Variants in PCDHGA1 observed in about 807,000 individuals in gnomAD.
PCDHGA1 encodes protocadherin gamma subfamily A, 1, also known as protocadherin gamma-A1.
Under a neutral mutation model 58.0 loss-of-function variants are expected in PCDHGA1, and 32 were observed. The ratio of observed to expected loss-of-function variants is 0.55; its 90% CI spans 0.42 to 0.74. PCDHGA1 has a LOEUF of 0.74. PCDHGA1 is among the 30% of genes least tolerant of loss of function. PCDHGA1 has a pLI of 0.00. For missense variants in PCDHGA1, 1,205 were observed against 1,182.3 expected, an observed-to-expected ratio of 1.02 and a Z score of -0.28; for synonymous variants, 498 against 501.1, an observed-to-expected ratio of 0.99 and a Z score of 0.08.
intron 3 of PCDHGA1, among the ~76,000 whole-genome samples, chr5:141,508,624 G>A (rs552418899): frequency 3.3e-5 from 5 of 152,256 alleles, no homozygotes; most frequent in African/African-American, 9.6e-5. Context: ...TGGGTGGGCC[G>A]AGCTTCTAGC....
chr5:141,389,002 A>T (rs749693513), intron 1 of PCDHGA1: 25 of 1,613,966 alleles, frequency 1.5e-5, no homozygotes, highest in Admixed American at 3.3e-5. Context: ...CGTGACAAGG[A>T]TTCCAGACAC....
intron 1 of PCDHGA1, among the ~76,000 whole-genome samples, chr5:141,407,428 G>A (rs1211459456): frequency 6.6e-6 from 1 of 151,524 alleles, no homozygotes; most frequent in Non-Finnish European, 1.5e-5. Context: ...AATGTCTCTT[G>A]CCCTTAAAAC....
intron 1 of PCDHGA1, chr5:141,389,425 C>T (rs1464186383): frequency 3.1e-6 from 5 of 1,613,500 alleles, no homozygotes; most frequent in Admixed American, 1.7e-5. Flanking sequence ...GTGGTGTTCG[C>T]GCAGCGCGCC....
At chr5:141,400,791 T>C in intron 1 of PCDHGA1, 1 of 562,286 alleles carries the variant, frequency 1.8e-6, no homozygotes, top group Non-Finnish European at 3.1e-6. Flanking sequence ...TTTGTCCTCT[T>C]TCTCAAAGCT....
Position 141,431,388 on chromosome 5 carries a change from T to G in PCDHGA1, c.2422-63419T>G. 1 of 1,613,920 alleles carries G rather than the reference T, an allele frequency of 6.2e-7. No individual in the cohort carries two copies. The highest frequency in any genetic ancestry group is 8.5e-7 in the Non-Finnish European group (1 of 1,180,038). ...CGCGAAGAAAAGGCTGCTCACCACC[T>G]GGTCCTTACGGCCTCCGACGGGGGC... On this transcript the variant is annotated intron_variant, in intron 1 of 3. Transcript: ENST00000517417. The surrounding 1 kb of genome is among the most constrained non-coding windows in gnomAD (Gnocchi z 4.8).
chr5:141,336,747 G>A (rs754457463), intron 1 of PCDHGA1, among the ~76,000 whole-genome samples: 1 of 152,138 alleles, frequency 6.6e-6, no homozygotes, highest in Non-Finnish European at 1.5e-5. Flanking sequence ...TCTTGGATAT[G>A]ACACCAAAAG....
chr5:141,495,000 G>A lies in PCDHGA1; in HGVS notation c.2480+135G>A, dbSNP rs191756104. ...AGTTTGAGATCCCAGGGAGGTCTTG[G>A]TGTGCGGGGGGCTGGCACACAGACC... On this transcript the variant is annotated intron_variant, in intron 2 of 3. Transcript: ENST00000517417. 1.3e-4 allele frequency: 202 copies of A among 1,531,656 alleles called. 2 individuals carry two copies. The African/African-American group carries it at 2.4e-3, about 19-fold the overall frequency. The allele number at this position is 1,531,656 out of a possible 1,614,324, so 94.9% of individuals were successfully genotyped here. A position where few individuals can be genotyped will look rare whatever the true frequency, so the allele number is the denominator to read the frequency against.
rs1193088004 is a variant in PCDHGA1, at chr5:141,331,769, C to G, written c.1085C>G (p.Pro362Arg). 1.1e-5 allele frequency: 17 copies of G among 1,614,064 alleles called. No homozygotes were observed. In the Admixed American group the frequency reaches 2.8e-4, roughly 27 times the overall value. Residue 362 changes from proline to arginine, a missense_variant, in exon 1 of 4, where the codon CCT (proline) becomes CGT (arginine). Pro to Arg is a moderately radical substitution (Grantham distance 103). Transcript: ENST00000517417. ...ACTGCAGTTCCAGAAAACTTTCCTC[C>G]TGGGACCATAATTGCTCTTATCAGT... Reference protein sequence around the residue: ...VTTAVPENFPPGTIIALISVH... With the variant: ...VTTAVPENFPRGTIIALISVH...
rs750571929 is a variant in PCDHGA1 at position 141,357,479 on chromosome 5, C to T, written c.2421+24374C>T. ...ACCTATTCCCACGAGGTCTCCCTCA[C>T]CGCGGACTCGCGGAAGAGTCACCTG... On this transcript the variant is annotated intron_variant, in intron 1 of 3. Coordinates refer to ENST00000517417, the MANE Select transcript of PCDHGA1 (RefSeq NM_018912.3). The T allele has an allele frequency of 5.6e-6, 9 of 1,614,132 alleles. No homozygotes were observed. Among genetic ancestry groups the T allele is most frequent in the South Asian group, 1.1e-5 (1 of 91,094 alleles).
chr5:141,384,191 C>T (rs376661364), intron 1 of PCDHGA1: 30 of 1,613,842 alleles, frequency 1.9e-5, no homozygotes, highest in Non-Finnish European at 2.5e-5. Context: ...GGAACTCCTC[C>T]CTTGTCCAGG....
intron 1 of PCDHGA1, chr5:141,423,753 G>GC (rs1489142243): frequency 4.8e-6 from 3 of 626,014 alleles, no homozygotes; most frequent in African/African-American, 5.1e-5. Context: ...AACTGTTTGG[G>GC]GGGGGGGTGG....
At chr5:141,359,130 A>G (rs1042094168) in intron 1 of PCDHGA1, among the ~76,000 whole-genome samples, 2 of 152,228 alleles carry the variant, frequency 1.3e-5, no homozygotes, top group South Asian at 4.1e-4. Context: ...TGCAATACAT[A>G]GAGTAAGCTG....
At position 141,331,093 on chromosome 5, in the gene PCDHGA1, G is replaced by A. The variant is rs1330562926; in HGVS notation, c.409G>A (p.Glu137Lys). ...NDNTPQFQLEELEFKMNEITT... is the reference protein window; with the variant it reads ...NDNTPQFQLEKLEFKMNEITT... ...CAACACTCCCCAATTCCAGTTAGAG[G>A]AACTGGAGTTTAAAATGAATGAAAT... Residue 137 changes from glutamate (E) to lysine (K), a missense_variant, in exon 1 of 4, where the codon GAA becomes AAA. By Grantham distance (56) the Glu-to-Lys change is moderately conservative. Coordinates refer to ENST00000517417, the MANE Select transcript of PCDHGA1 (RefSeq NM_018912.3). 3 of 1,591,360 alleles carry A rather than the reference G, an allele frequency of 1.9e-6. No homozygotes were observed. The highest frequency in any genetic ancestry group is 2.6e-6 in the Non-Finnish European group (3 of 1,165,354).
chr5:141,489,151 A>G lies in PCDHGA1; in HGVS notation c.2422-5656A>G. On this transcript the variant is annotated intron_variant, in intron 1 of 3. Transcript: ENST00000517417. This position sits in a 1 kb window ranked among gnomAD's most constrained non-coding sequence, Gnocchi z 4.5. ...TTTTTAAGAGGCTGGAAGGAGACAT[A>G]AGAGACTTCAGCTGCTGCATTCCAA... is the stretch of plus-strand genomic sequence containing the variant. The G allele has an allele frequency of 4.3e-6, 4 of 932,968 alleles. No individual in the cohort carries two copies. Among genetic ancestry groups the G allele is most frequent in the Non-Finnish European group, 6.4e-6 (4 of 622,052 alleles). 57.8% of individuals were successfully genotyped at this position (932,968 alleles called of 1,614,324 possible).
intron 1 of PCDHGA1, chr5:141,419,835 C>T: frequency 1.2e-6 from 2 of 1,614,084 alleles, no homozygotes; most frequent in African/African-American, 1.3e-5. Flanking sequence ...GCCACTGCCA[C>T]GCTGCACCTG....
In PCDHGA1 at chr5:141,331,181, C is replaced by T. The variant is rs745460750; in HGVS notation, c.497C>T (p.Ser166Leu). The T allele has an allele frequency of 6.2e-7, 1 of 1,614,118 alleles. No homozygotes were observed. The highest frequency in any genetic ancestry group is 2.2e-5 in the East Asian group (1 of 44,880). The change falls in exon 1 of 4, where the codon TCA becomes TTA. Residue 166 changes from serine (S) to leucine (L), a missense_variant. Transcript: ENST00000517417. ...CAAGACCTTGATGTGGGTATGAACT[C>T]ACTCCAGAGCTACCAACTCAGCTCT... ...FGQDLDVGMN[S>L]LQSYQLSSNP...
At chr5:141,454,875 T>G (rs2098805612) in intron 1 of PCDHGA1, among the ~76,000 whole-genome samples, 1 of 144,402 alleles carries the variant, frequency 6.9e-6, no homozygotes, top group African/African-American at 2.6e-5. Context: ...TGGCACGATC[T>G]TGGCTCACTG....
intron 2 of PCDHGA1, among the ~76,000 whole-genome samples, chr5:141,504,490 TGC>T (rs2099838709): frequency 6.6e-6 from 1 of 152,056 alleles, no homozygotes; most frequent in Non-Finnish European, 1.5e-5. Flanking sequence ...TGGAGGCACC[TGC>T]CCAGTCTGAG....
Position 141,487,007 on chromosome 5 carries a change from G to A in PCDHGA1, c.2422-7800G>A, listed in dbSNP as rs563548715. The A allele has an allele frequency of 3.1e-6, 5 of 1,614,206 alleles. No homozygotes were observed. In the South Asian group the frequency reaches 5.5e-5, roughly 18 times the overall value. ...TGCTTGGGTTTCCTATCAGCTCCTGGAGGCCCCAGATCCCAGCCTGTTTGC... is the reference window on the plus strand; with the variant it reads ...TGCTTGGGTTTCCTATCAGCTCCTGAAGGCCCCAGATCCCAGCCTGTTTGC... On this transcript the variant is annotated intron_variant, in intron 1 of 3. Transcript: ENST00000517417. This position sits in a 1 kb window ranked among gnomAD's most constrained non-coding sequence, Gnocchi z 5.0.
Sources: gnomAD v4.1 joint callset for allele counts (sites outside exome capture counted in the v4.1 genomes callset) on GRCh38, gnomAD v4.1.1 for gene constraint, Gnocchi (gnomAD v3.1) non-coding constraint, MANE v1.5 for transcripts, NCBI Gene and HGNC (gene_info 2026-07-23, HGNC 2026-07-21) for gene names.